Variants in PRRG2 observed in about 807,000 individuals in gnomAD.
PRRG2 encodes proline rich and Gla domain 2.
In PRRG2, 23 loss-of-function variants were observed where a neutral mutation model predicts 27.1. The ratio of observed to expected loss-of-function variants is 0.85; its 90% CI spans 0.61 to 1.20. The LOEUF (loss-of-function observed/expected upper bound fraction) is 1.20. PRRG2 is among the 50% of genes most tolerant of loss of function. The pLI, the probability that PRRG2 is intolerant of heterozygous loss-of-function variation, is 0.00. For missense variants in PRRG2, 276 were observed against 254.8 expected (o/e 1.08, Z -0.57); for synonymous variants, 104 against 103.4 (o/e 1.01, Z -0.03).
chr19:49,584,088 C>T, intron 4 of PRRG2, 136 bp downstream of exon 4: 2 of 896,146 alleles, frequency 2.2e-6, no homozygotes, highest in Non-Finnish European at 1.6e-6. Flanking sequence ...CTGAAGCTGG[C>T]TGCTAAAGGA....
rs541776944 is a variant in PRRG2 at position 49,590,321 on chromosome 19, G to C, written c.591-50G>C. 4.7e-5 allele frequency: 76 copies of C among 1,613,812 alleles called. No individual in the cohort carries two copies. In the African/African-American group the frequency reaches 8.5e-4, roughly 18 times the overall value. On this transcript the variant is annotated intron_variant, in intron 6 of 6. Coordinates refer to ENST00000246794, the MANE Select transcript of PRRG2 (RefSeq NM_000951.3). ...TCGGAGTGGTCCTGGTTGAAGGGGG[G>C]AGAAAAACAGCCAGATCTTTGACTC... is the stretch of plus-strand genomic sequence containing the variant.
intron 1 of PRRG2, 120 bp downstream of exon 1, chr19:49,581,601 C>G (rs951843513): frequency 7.2e-5 from 11 of 152,088 alleles, no homozygotes; most frequent in Admixed American, 6.5e-4. Flanking sequence ...CCCCTGCCCA[C>G]TTAGGTCCCT....
At chr19:49,583,005 T>C (rs1851523076) in intron 1 of PRRG2, among the ~76,000 whole-genome samples, 1 of 151,392 alleles carries the variant, frequency 6.6e-6, no homozygotes, top group South Asian at 2.1e-4. Flanking sequence ...CACTCCAGCC[T>C]GGCTGACAGA....
In PRRG2 at chr19:49,588,540, A is replaced by G; in HGVS notation, c.345A>G (p.Thr115=). Residue 115 remains threonine, a synonymous_variant, in exon 5 of 7, where the codon ACA becomes ACG. Coordinates refer to ENST00000246794, the MANE Select transcript of PRRG2 (RefSeq NM_000951.3). Reference sequence around the variant, plus strand: ...TGGCCAGCCTGGCTGTGGGGCTGACAGGTGGCATCCTGCTCATTGTCCTGG... The same window carrying G: ...TGGCCAGCCTGGCTGTGGGGCTGACGGGTGGCATCCTGCTCATTGTCCTGG... ...VDVASLAVGL[T]GGILLIVLAG... is the part of the protein sequence containing the mutation. 2.5e-6 allele frequency: 4 copies of G among 1,582,786 alleles called. No individual in the cohort carries two copies. The highest frequency in any genetic ancestry group is 3.4e-6 in the Non-Finnish European group (4 of 1,164,624).
rs372675632 is a variant in PRRG2, at chr19:49,590,043, C to A, written c.581C>A (p.Pro194His). ...GGGGTACACGACGCACCTCCACCCCCCTACACCAGGTATGGGGCGTGGCTT... is the reference window on the plus strand; with the variant it reads ...GGGGTACACGACGCACCTCCACCCCACTACACCAGGTATGGGGCGTGGCTT... ...ASGVHDAPPP[P>H]YTSLRRPH Residue 194 changes from proline (P) to histidine (H), a missense_variant, in exon 6 of 7, where the codon CCC becomes CAC. By Grantham distance (77) the Pro-to-His change is moderately conservative. Coordinates refer to ENST00000246794, the MANE Select transcript of PRRG2 (RefSeq NM_000951.3). 2.8e-5 allele frequency: 42 copies of A among 1,521,386 alleles called. No individual in the cohort carries two copies. The highest frequency in any genetic ancestry group is 2.3e-4 in the Middle Eastern group (1 of 4,278). The allele number at this position is 1,521,386 out of a possible 1,614,324, so 94.2% of individuals were successfully genotyped here. A position where few individuals can be genotyped will look rare whatever the true frequency, so the allele number is the denominator to read the frequency against.
At position 49,590,375 on chromosome 19, in the gene PRRG2, A is replaced by G; in HGVS notation, c.595A>G (p.Arg199Gly). 6.2e-7 allele frequency: 1 copy of G among 1,614,098 alleles called. No homozygotes were observed. Among genetic ancestry groups the G allele is most frequent in the South Asian group, 1.1e-5 (1 of 91,082 alleles). The change falls in exon 7 of 7, where the codon AGG becomes GGG. Residue 199 changes from arginine (R) to glycine (G), a missense_variant. Transcript: ENST00000246794. ...DAPPPPYTSLRRPH is the reference protein window; with the variant it reads ...DAPPPPYTSLGRPH ...AGTGTGCCTTTCCTCTTGCAGCCTC[A>G]GGAGGCCTCACTGAAGAGCTGCTTT...
rs1480897188 is a variant in PRRG2, at chr19:49,583,278, C to T, written c.59C>T (p.Thr20Ile). Reference sequence around the variant, plus strand: ...ATGGCATTAACCACCTGCCTGGATACTTCACCCAGTGAGGAGACAGACCAA... The same window carrying T: ...ATGGCATTAACCACCTGCCTGGATATTTCACCCAGTGAGGAGACAGACCAA... ...LYMALTTCLDTSPSEETDQEV... is the reference protein window; with the variant it reads ...LYMALTTCLDISPSEETDQEV... The change falls in exon 2 of 7, where the codon ACT (threonine) becomes ATT (isoleucine). Residue 20 changes from threonine (T) to isoleucine (I), a missense_variant. By Grantham distance (89) the Thr-to-Ile change is moderately conservative. Transcript: ENST00000246794. 5 of 1,614,052 alleles carry T rather than the reference C, an allele frequency of 3.1e-6. No homozygotes were observed. The highest frequency in any genetic ancestry group is 4.2e-6 in the Non-Finnish European group (5 of 1,180,012).
Position 49,583,287 on chromosome 19 carries a change from G to C in PRRG2, c.68G>C (p.Ser23Thr), listed in dbSNP as rs745838843. ...ACCACCTGCCTGGATACTTCACCCAGTGAGGAGACAGACCAAGGTGAGTGT... is the reference window on the plus strand; with the variant it reads ...ACCACCTGCCTGGATACTTCACCCACTGAGGAGACAGACCAAGGTGAGTGT... The part of the protein sequence containing the change: ...ALTTCLDTSP[S>T]EETDQEVFLG... Residue 23 changes from serine (S) to threonine (T), a missense_variant, in exon 2 of 7, where the codon AGT becomes ACT. Physicochemically the swap from Ser to Thr is moderately conservative, Grantham distance 58 (BLOSUM62 1). Transcript: ENST00000246794. 1.2e-6 allele frequency: 2 copies of C among 1,614,182 alleles called. No homozygotes were observed. Among genetic ancestry groups the C allele is most frequent in the Non-Finnish European group, 1.7e-6 (2 of 1,180,006 alleles).
At chr19:49,582,761 G>A (rs763145417) in intron 1 of PRRG2, among the ~76,000 whole-genome samples, 3 of 152,100 alleles carry the variant, frequency 2.0e-5, no homozygotes, top group Non-Finnish European at 2.9e-5. Flanking sequence ...CCAGCTACTC[G>A]GGAGGCTGAG....
intron 4 of PRRG2, among the ~76,000 whole-genome samples, chr19:49,586,387 ATT>A (rs34299965): frequency 0.026 from 3,534 of 137,658 alleles, 144 homozygotes; most frequent in African/African-American, 0.086. Flanking sequence ...AAGCCCGGCC[ATT>A]TTTTTTTTTT....
chr19:49,583,112 A>C, intron 1 of PRRG2, 95 bp from the exon 2 acceptor site: 1 of 915,472 alleles, frequency 1.1e-6, no homozygotes. Flanking sequence ...GGCTGCTATT[A>C]TTGCCATTCG....
chr19:49,590,265 G>C, intron 6 of PRRG2, 106 bp from the exon 7 acceptor site: 1 of 1,543,764 alleles, frequency 6.5e-7, no homozygotes, highest in Non-Finnish European at 8.9e-7. Flanking sequence ...GTGCCCAGAG[G>C]GTCCTGGATT....
chr19:49,583,979 T>C, intron 4 of PRRG2, 27 bp downstream of exon 4: 1 of 1,607,530 alleles, frequency 6.2e-7, no homozygotes, highest in Non-Finnish European at 8.5e-7. Flanking sequence ...AGCCATCTTG[T>C]TCTGTGCAGC....
intron 4 of PRRG2, among the ~76,000 whole-genome samples, chr19:49,586,333 C>T (rs955153018): frequency 4.6e-5 from 7 of 151,836 alleles, no homozygotes; most frequent in Non-Finnish European, 1.0e-4. Context: ...AGTGATCCTC[C>T]TGCCTTGGCC....
chr19:49,590,140 ATT>A, intron 6 of PRRG2, 88 bp downstream of exon 6: 1 of 1,368,872 alleles, frequency 7.3e-7, no homozygotes, highest in Non-Finnish European at 9.7e-7. Context: ...GGGACTTGGA[ATT>A]TGGGCCTTCT....
rs1310353963 is a variant in PRRG2 at position 49,583,906 on chromosome 19, C to T, written c.262-7C>T. 1 of 1,613,764 alleles carries T rather than the reference C, an allele frequency of 6.2e-7. No homozygotes were observed. Among genetic ancestry groups the T allele is most frequent in the Non-Finnish European group, 8.5e-7 (1 of 1,179,800 alleles). Reference sequence around the variant, plus strand: ...TTCCCCTTCTTTTCCACTCCTTCCCCCTCAAGGAGCGCTTTTGGGAGAGCT... The same window carrying T: ...TTCCCCTTCTTTTCCACTCCTTCCCTCTCAAGGAGCGCTTTTGGGAGAGCT... On this transcript the variant is annotated splice_polypyrimidine_tract_variant and splice_region_variant and intron_variant, in intron 3 of 6. Coordinates refer to ENST00000246794, the MANE Select transcript of PRRG2 (RefSeq NM_000951.3).
intron 6 of PRRG2, 36 bp from the exon 7 acceptor site, chr19:49,590,335 G>C (rs771872980): frequency 2.5e-6 from 4 of 1,614,080 alleles, no homozygotes; most frequent in East Asian, 2.2e-5. Flanking sequence ...AAAACAGCCA[G>C]ATCTTTGACT....
At chr19:49,582,239 T>TAAAAAAAA (rs760309836) in intron 1 of PRRG2, among the ~76,000 whole-genome samples, 1 of 74,812 alleles carries the variant, frequency 1.3e-5, no homozygotes, top group African/African-American at 6.0e-5. Flanking sequence ...AGACTCTGTC[T>TAAAAAAAA]AAAAAAAAAA....
At chr19:49,587,501 T>G (rs2080680134) in intron 4 of PRRG2, among the ~76,000 whole-genome samples, 1 of 149,168 alleles carries the variant, frequency 6.7e-6, no homozygotes, top group Admixed American at 6.7e-5. Flanking sequence ...TTTTTTTTTT[T>G]TGAGACAGAG....
Sources: allele counts gnomAD v4.1 joint callset (sites outside exome capture counted in the v4.1 genomes callset), GRCh38; gene constraint gnomAD v4.1.1; transcripts MANE v1.5; gene names NCBI Gene and HGNC (gene_info 2026-07-23, HGNC 2026-07-21).